DLGAP4: variants seen among roughly 807,000 people sequenced by gnomAD.
DLGAP4 encodes DLG associated protein 4, also known as disks large-associated protein 4.
Under a neutral mutation model 86.9 loss-of-function variants are expected in DLGAP4, and 18 were observed. The observed-to-expected ratio is 0.21, with a 90% CI of 0.14 to 0.31. The LOEUF (loss-of-function observed/expected upper bound fraction) is 0.31. Ranked by LOEUF, DLGAP4 falls within the 10% of genes least tolerant of loss-of-function variation. The pLI is 1.00. For missense variants in DLGAP4, 1,085 were observed against 1,362.6 expected (o/e 0.80, Z 3.21); for synonymous variants, 548 against 574.3 (o/e 0.95, Z 0.65).
At chr20:36,487,921 G>A (rs547682313) in intron 7 of DLGAP4, among the ~76,000 whole-genome samples, 3 of 152,288 alleles carry the variant, frequency 2.0e-5, no homozygotes, top group African/African-American at 2.4e-5. Context: ...CAGTTAGTGC[G>A]CCGGGCGTGG....
chr20:36,492,209 T>C (rs1181253984), intron 7 of DLGAP4, among the ~76,000 whole-genome samples: 7 of 152,004 alleles, frequency 4.6e-5, no homozygotes, highest in Admixed American at 4.6e-4. Context: ...AAATGAGAGC[T>C]CTCCTGTACA....
chr20:36,405,069 G>C (rs912466514), intron 2 of DLGAP4, among the ~76,000 whole-genome samples: 1 of 152,212 alleles, frequency 6.6e-6, no homozygotes, highest in African/African-American at 2.4e-5. Flanking sequence ...GTGTGTCCTG[G>C]GAAGAGCGAA....
Position 36,526,847 on chromosome 20 carries a change from A to G in DLGAP4, c.2795A>G (p.Lys932Arg). 1 of 1,611,674 alleles carries G rather than the reference A, an allele frequency of 6.2e-7. No homozygotes were observed. Among genetic ancestry groups the G allele is most frequent in the Non-Finnish European group, 8.5e-7 (1 of 1,179,418 alleles). ...AAACCACCCCCTCCGGTCCCAAAGA[A>G]GCCAGCCAAATCCAAGCCGGCAGTG... Reference protein sequence around the residue: ...EKKPPPPVPKKPAKSKPAVSR... With the variant: ...EKKPPPPVPKRPAKSKPAVSR... The change falls in exon 13 of 13, where the codon AAG (lysine) becomes AGG (arginine). Residue 932 changes from lysine (K) to arginine (R), a missense_variant. Coordinates refer to ENST00000339266, the MANE Select transcript of DLGAP4 (RefSeq NM_001365621.2).
chr20:36,308,881 CA>C lies in DLGAP4; in HGVS notation c.-304+2370del, dbSNP rs1555889712. Among the ~76,000 whole-genome samples the C allele has an allele frequency of 6.6e-6, 1 of 152,108 alleles. No individual in the cohort carries two copies. Among genetic ancestry groups the C allele is most frequent in the African/African-American group, 2.4e-5 (1 of 41,402 alleles). ...ATGTGAATTAATAAAATCTTGAATG[CA>C]GGGTTTTTTTTTATAGAAAGTACAC... is the stretch of plus-strand genomic sequence containing the variant. On this transcript the variant is annotated intron_variant, in intron 1 of 12. Transcript: ENST00000339266. This position sits in a 1 kb window ranked among gnomAD's most constrained non-coding sequence, Gnocchi z 4.5.
chr20:36,383,157 G>A lies in DLGAP4; in HGVS notation c.-73+15882G>A, dbSNP rs780472346. 8.5e-5 allele frequency among the ~76,000 whole-genome samples: 13 copies of A among 152,150 alleles called. No homozygotes were observed. In the South Asian group the frequency reaches 1.2e-3, roughly 15 times the overall value. ...TTAGAAGCACAGAGTTGCTGGCTCC[G>A]CTGGGGTCTCCACTGAACTGAAGTC... On this transcript the variant is annotated intron_variant, in intron 2 of 12. Coordinates refer to ENST00000339266, the MANE Select transcript of DLGAP4 (RefSeq NM_001365621.2).
intron 7 of DLGAP4, among the ~76,000 whole-genome samples, chr20:36,474,573 C>T (rs1170936684): frequency 6.6e-6 from 1 of 152,208 alleles, no homozygotes; most frequent in African/African-American, 2.4e-5. Context: ...GTGGCTGTTG[C>T]CCTGCACAGG....
In DLGAP4 at chr20:36,418,197, T is replaced by G. The variant is rs536165376; in HGVS notation, c.-72-13449T>G. On this transcript the variant is annotated intron_variant, in intron 2 of 12. Coordinates refer to ENST00000339266, the MANE Select transcript of DLGAP4 (RefSeq NM_001365621.2). ...GGCGCGATCTTGGCTCACTGTAACC[T>G]CTGCCTCCCGGGTTCCAGCAATTGT... 4.6e-5 allele frequency among the ~76,000 whole-genome samples: 7 copies of G among 152,090 alleles called. No homozygotes were observed. The South Asian group carries it at 1.5e-3, about 32-fold the overall frequency.
intron 8 of DLGAP4, 60 bp downstream of exon 8, chr20:36,497,126 A>C: frequency 9.2e-6 from 14 of 1,527,260 alleles, no homozygotes; most frequent in Non-Finnish European, 1.2e-5. Context: ...CCTGTGTGTA[A>C]TTACATCTGG....
intron 7 of DLGAP4, among the ~76,000 whole-genome samples, chr20:36,451,310 G>A (rs1450483195): frequency 1.3e-5 from 2 of 152,120 alleles, no homozygotes; most frequent in Admixed American, 6.5e-5. Context: ...CTTTCTGTAG[G>A]CCCTTTTGAC....
intron 1 of DLGAP4, among the ~76,000 whole-genome samples, chr20:36,333,374 G>A (rs546324372): frequency 3.8e-4 from 58 of 152,052 alleles, no homozygotes; most frequent in Non-Finnish European, 3.2e-4. Flanking sequence ...ACCTCACTCC[G>A]TTCCAGCCAC....
rs1356643738 is a variant in DLGAP4, at chr20:36,408,541, G to A, written c.-72-23105G>A. Among the ~76,000 whole-genome samples, 4 of 152,194 alleles carry A rather than the reference G, an allele frequency of 2.6e-5. No homozygotes were observed. In the East Asian group the frequency reaches 7.7e-4, roughly 29 times the overall value. On this transcript the variant is annotated intron_variant, in intron 2 of 12. Transcript: ENST00000339266. ...GCATTTGCAGTAGGCATCTGCCACA[G>A]GTTTCATCCTGCCATTGCCTTTGCG...
intron 7 of DLGAP4, among the ~76,000 whole-genome samples, chr20:36,494,984 GT>G (rs752411826): frequency 0.022 from 1,690 of 75,424 alleles, 2 homozygotes; most frequent in African/African-American, 0.065. Flanking sequence ...TTTTTGTTCG[GT>G]TTTTTTTTTT....
chr20:36,386,513 T>C (rs984542495), intron 2 of DLGAP4, among the ~76,000 whole-genome samples: 3 of 150,090 alleles, frequency 2.0e-5, no homozygotes, highest in African/African-American at 7.3e-5. Context: ...AAGAAGGAAA[T>C]ACTAAAAGGC....
chr20:36,435,330 C>T (rs2033242949), intron 3 of DLGAP4, among the ~76,000 whole-genome samples: 1 of 152,168 alleles, frequency 6.6e-6, no homozygotes, highest in African/African-American at 2.4e-5. Context: ...AGGAATGTAG[C>T]CTGTGTGCAC....
intron 10 of DLGAP4, among the ~76,000 whole-genome samples, chr20:36,520,926 G>A (rs76565293): frequency 6.6e-5 from 10 of 151,890 alleles, no homozygotes; most frequent in Admixed American, 3.9e-4. Flanking sequence ...TCTGCCTCCC[G>A]GGTTCAAGTG....
chr20:36,357,746 G>C (rs1313787560), intron 1 of DLGAP4, among the ~76,000 whole-genome samples: 2 of 152,204 alleles, frequency 1.3e-5, no homozygotes. Context: ...ACTGTGGCAG[G>C]CCCTGAGAGT....
chr20:36,470,582 A>C (rs2034616631), intron 7 of DLGAP4, among the ~76,000 whole-genome samples: 1 of 152,134 alleles, frequency 6.6e-6, no homozygotes, highest in South Asian at 2.1e-4. Flanking sequence ...GGTTAAAAAA[A>C]AAAAAAAAGC....
intron 3 of DLGAP4, among the ~76,000 whole-genome samples, chr20:36,434,429 A>G (rs2147546823): frequency 6.6e-6 from 1 of 152,316 alleles, no homozygotes; most frequent in South Asian, 2.1e-4. Context: ...GTTTAGAAGC[A>G]TTAGGGAGGG....
chr20:36,410,603 G>T (rs2032471419), intron 2 of DLGAP4, among the ~76,000 whole-genome samples: 2 of 152,226 alleles, frequency 1.3e-5, no homozygotes, highest in Non-Finnish European at 2.9e-5. Flanking sequence ...GGCTGAAGGT[G>T]AAGGGAAAGC....
Sources: gnomAD v4.1 joint callset for allele counts (sites outside exome capture counted in the v4.1 genomes callset) on GRCh38, gnomAD v4.1.1 for gene constraint, Gnocchi (gnomAD v3.1) non-coding constraint, MANE v1.5 for transcripts, NCBI Gene and HGNC (gene_info 2026-07-23, HGNC 2026-07-21) for gene names.